PRRC2B: variants seen among roughly 807,000 people sequenced by gnomAD.
The protein encoded by PRRC2B is protein PRRC2B.
A neutral mutation model predicts 242.3 loss-of-function variants in PRRC2B; 68 were observed. The ratio of observed to expected loss-of-function variants is 0.28; its 90% CI spans 0.23 to 0.34. The LOEUF (loss-of-function observed/expected upper bound fraction) is 0.34, where lower values mean the gene tolerates loss of function less well. Among genes scored for constraint, PRRC2B ranks in the 10% least tolerant of loss-of-function variants. PRRC2B has a pLI of 1.00. For missense variants in PRRC2B, 2,835 were observed against 2,954.8 expected (o/e 0.96, Z 0.94); for synonymous variants, 1,228 against 1,173.6 (o/e 1.05, Z -0.95).
chr9:131,426,728 T>G (rs911247819), intron 1 of PRRC2B, among the ~76,000 whole-genome samples: 2 of 152,186 alleles, frequency 1.3e-5, no homozygotes, highest in Non-Finnish European at 2.9e-5. Context: ...GGCAGGTAAC[T>G]TGGGGGCAGT....
chr9:131,461,145 C>T (rs372733680), intron 11 of PRRC2B, among the ~76,000 whole-genome samples: 23 of 152,316 alleles, frequency 1.5e-4, no homozygotes, highest in Middle Eastern at 3.4e-3. Context: ...TATTTATACT[C>T]ACTTGGTCAG....
At chr9:131,393,309 T>G (rs1350034811), upstream of PRRC2B, among the ~76,000 whole-genome samples, 1 of 152,172 alleles carries the variant, frequency 6.6e-6, no homozygotes. Flanking sequence ...TAACATTTTT[T>G]TTTTGTATTT....
chr9:131,400,263 T>G (rs1427270803), intron 1 of PRRC2B, among the ~76,000 whole-genome samples: 2 of 152,100 alleles, frequency 1.3e-5, no homozygotes, highest in African/African-American at 4.8e-5. Flanking sequence ...GTTTTGTATT[T>G]TTTTGTGGAG....
At chr9:131,477,468 C>G (rs1282872066) in intron 16 of PRRC2B, among the ~76,000 whole-genome samples, 1 of 152,172 alleles carries the variant, frequency 6.6e-6, no homozygotes, top group Non-Finnish European at 1.5e-5. Context: ...TTCCCCTTGT[C>G]TCTCTCCCCC....
chr9:131,398,278 C>T (rs1439904120), intron 1 of PRRC2B, among the ~76,000 whole-genome samples: 4 of 152,288 alleles, frequency 2.6e-5, no homozygotes, highest in Admixed American at 2.6e-4. Flanking sequence ...GTCTTAGTGT[C>T]TTGAGCCAGA....
In PRRC2B at chr9:131,475,646, G is replaced by A. The variant is rs371777827; in HGVS notation, c.3517G>A (p.Asp1173Asn). The part of the protein sequence containing the change: ...EREESTLKKG[D>N]CRDSWRSNKG... ...GGAGGAGAGCACCTTGAAGAAGGGC[G>A]ACTGCAGAGATTCTTGGCGGTCCAA... The change falls in exon 16 of 32, where the codon GAC becomes AAC. Residue 1173 changes from aspartate (D) to asparagine (N), a missense_variant. By Grantham distance (23) the Asp-to-Asn change is conservative. Transcript: ENST00000683519. The A allele has an allele frequency of 2.3e-5, 37 of 1,610,944 alleles. No individual in the cohort carries two copies. The highest frequency in any genetic ancestry group is 1.7e-4 in the Middle Eastern group (1 of 6,052).
At chr9:131,471,036 G>A (rs372674758) in intron 14 of PRRC2B, 53 bp downstream of exon 14, 1 of 1,346,626 alleles carries the variant, frequency 7.4e-7, no homozygotes, top group East Asian at 2.5e-5. Context: ...ATAGCGTGGT[G>A]GTCAAGGGTG....
chr9:131,464,962 A>T lies in PRRC2B; in HGVS notation c.1604A>T (p.Lys535Met). 6.2e-7 allele frequency: 1 copy of T among 1,613,960 alleles called. No individual in the cohort carries two copies. The highest frequency in any genetic ancestry group is 8.5e-7 in the Non-Finnish European group (1 of 1,179,886). ...GCCAAACTCAAGCAGCTGGACCAGA[A>T]GTGTAAGCAGGCACGAAAGGCAGGT... ...CAAKLKQLDQ[K>M]CKQARKAGEA... The change falls in exon 12 of 32, where the codon AAG becomes ATG. Residue 535 changes from lysine to methionine, a missense_variant. Physicochemically the swap from Lys to Met is moderately conservative, Grantham distance 95 (BLOSUM62 -1). Transcript: ENST00000683519.
intron 29 of PRRC2B, 103 bp downstream of exon 29, chr9:131,491,683 G>T (rs192531024): frequency 4.6e-4 from 526 of 1,136,870 alleles, no homozygotes; most frequent in Admixed American, 8.7e-4. Flanking sequence ...AGCCAGTGGC[G>T]TGGGACTGCC....
chr9:131,443,403 TG>T (rs1179064214), intron 5 of PRRC2B, among the ~76,000 whole-genome samples: 3 of 151,978 alleles, frequency 2.0e-5, no homozygotes, highest in African/African-American at 7.3e-5. Context: ...CCCAAAGTGC[TG>T]GGATTACAGG....
intron 1 of PRRC2B, among the ~76,000 whole-genome samples, chr9:131,415,298 A>G (rs1036590443): frequency 2.0e-5 from 3 of 152,244 alleles, no homozygotes; most frequent in African/African-American, 7.2e-5. Flanking sequence ...AACTATCTTA[A>G]TAAGAACGTT....
In PRRC2B at chr9:131,492,102, A is replaced by C. The variant is rs537118426; in HGVS notation, c.6382-67A>C. ...TCACCACCTCTGCCCTGGGTTGTTCAGTAAGTGTGTGGTCCAGCTGTCTCC... is the reference window on the plus strand; with the variant it reads ...TCACCACCTCTGCCCTGGGTTGTTCCGTAAGTGTGTGGTCCAGCTGTCTCC... On this transcript the variant is annotated intron_variant, in intron 29 of 31. Transcript: ENST00000683519. The C allele has an allele frequency of 2.7e-5, 34 of 1,256,154 alleles. 1 individual carries two copies. The highest frequency in any genetic ancestry group is 1.8e-4 in the South Asian group (15 of 83,446). The allele number at this position is 1,256,154 out of a possible 1,614,324, so 77.8% of individuals were successfully genotyped here.
At chr9:131,389,926 TG>T (rs59983939), upstream of PRRC2B, among the ~76,000 whole-genome samples, 13,064 of 122,102 alleles carry the variant, frequency 0.11, 2,152 homozygotes, top group African/African-American at 0.15. Context: ...TTTTTTTTTT[TG>T]TTTTTTTTTT....
At chr9:131,395,977 G>C (rs1297095945) in intron 1 of PRRC2B, among the ~76,000 whole-genome samples, 1 of 152,206 alleles carries the variant, frequency 6.6e-6, no homozygotes, top group Admixed American at 6.5e-5. Flanking sequence ...ATCTGAGAGT[G>C]AGTTTCTACT....
intron 1 of PRRC2B, among the ~76,000 whole-genome samples, chr9:131,428,243 T>G (rs917145619): frequency 2.0e-5 from 3 of 151,738 alleles, no homozygotes; most frequent in African/African-American, 7.3e-5. Context: ...TTTTAAGAGA[T>G]AGGATCTTGC....
At chr9:131,449,996 T>C (rs1942859717) in intron 9 of PRRC2B, among the ~76,000 whole-genome samples, 2 of 152,236 alleles carry the variant, frequency 1.3e-5, no homozygotes, top group South Asian at 4.1e-4. Flanking sequence ...CGAATTGCTT[T>C]GGAACCTTTG....
At chr9:131,404,776 T>C (rs926671126) in intron 1 of PRRC2B, among the ~76,000 whole-genome samples, 1 of 152,226 alleles carries the variant, frequency 6.6e-6, no homozygotes, top group Non-Finnish European at 1.5e-5. Context: ...CAGAGAATAT[T>C]TTGTGGGTAT....
intron 29 of PRRC2B, among the ~76,000 whole-genome samples, chr9:131,491,967 C>T (rs533424394): frequency 2.9e-4 from 44 of 152,336 alleles, no homozygotes; most frequent in Middle Eastern, 3.4e-3. Context: ...CCCCAGTCCC[C>T]GGGCTGCAGA....
intron 18 of PRRC2B, 30 bp downstream of exon 18, chr9:131,478,649 G>GGCCCGGGGC: frequency 2.0e-6 from 1 of 504,562 alleles, no homozygotes; most frequent in East Asian, 5.1e-5. Flanking sequence ...GGGGCATGGG[G>GGCCCGGGGC]CTGGAGGGCA....
Sources: allele counts gnomAD v4.1 joint callset (sites outside exome capture counted in the v4.1 genomes callset), GRCh38; gene constraint gnomAD v4.1.1; transcripts MANE v1.5; gene names NCBI Gene and HGNC (gene_info 2026-07-23, HGNC 2026-07-21).